KLHL2: variants seen among roughly 807,000 people sequenced by gnomAD.
The protein encoded by KLHL2 is kelch-like protein 2.
Under a neutral mutation model 75.8 loss-of-function variants are expected in KLHL2, and 15 were observed. The ratio of observed to expected loss-of-function variants is 0.20; its 90% CI spans 0.13 to 0.30. The LOEUF (loss-of-function observed/expected upper bound fraction) is 0.30. Ranked by LOEUF, KLHL2 falls within the 10% of genes least tolerant of loss-of-function variation. The pLI, the probability that KLHL2 is intolerant of heterozygous loss-of-function variation, is 1.00. For missense variants in KLHL2, 381 were observed against 741.0 expected (o/e 0.51, Z 5.64); for synonymous variants, 214 against 251.9 (o/e 0.85, Z 1.42).
chr4:165,217,045 C>A (rs745461058), intron 1 of KLHL2, among the ~76,000 whole-genome samples: 1 of 152,154 alleles, frequency 6.6e-6, no homozygotes, highest in Admixed American at 6.6e-5. Flanking sequence ...TATAAACACT[C>A]CTGACTCTTA....
In KLHL2 at chr4:165,310,194, G is replaced by T. The variant is rs370583869; in HGVS notation, c.1040-359G>T. Among the ~76,000 whole-genome samples the T allele has an allele frequency of 2.0e-4, 30 of 152,188 alleles. No individual in the cohort carries two copies. In the South Asian group the frequency reaches 6.0e-3, roughly 31 times the overall value. ...CAAAAAATTAGTTGGGTGTGGTGGCGGGCGCCTGTAGTCCCAGCTACTCAG... is the reference window on the plus strand; with the variant it reads ...CAAAAAATTAGTTGGGTGTGGTGGCTGGCGCCTGTAGTCCCAGCTACTCAG... On this transcript the variant is annotated intron_variant, in intron 9 of 14. Transcript: ENST00000226725.
rs142396857 is a variant in KLHL2 at position 165,236,270 on chromosome 4, C to T, written c.260-2508C>T. Reference sequence around the variant, plus strand: ...TAGCTTCAGAGTTCTGATATAACCTCAGAGTTATGTGATCAAAACATAAAC... The same window carrying T: ...TAGCTTCAGAGTTCTGATATAACCTTAGAGTTATGTGATCAAAACATAAAC... On this transcript the variant is annotated intron_variant, in intron 3 of 14. Transcript: ENST00000226725. 5.9e-3 allele frequency among the ~76,000 whole-genome samples: 892 copies of T among 152,264 alleles called. 10 individuals carry two copies. The highest frequency in any genetic ancestry group is 0.02 in the African/African-American group (826 of 41,536).
intron 5 of KLHL2, chr4:165,279,213 G>A (rs769755124): frequency 6.5e-7 from 1 of 1,539,734 alleles, no homozygotes; most frequent in South Asian, 1.1e-5. Flanking sequence ...TAAGTGCTAA[G>A]TGGAAGGCCT....
intron 5 of KLHL2, among the ~76,000 whole-genome samples, chr4:165,275,652 G>A: frequency 6.6e-6 from 1 of 152,078 alleles, no homozygotes; most frequent in Non-Finnish European, 1.5e-5. Flanking sequence ...GTGTTGCCCA[G>A]GCTGTGCTCG....
At chr4:165,225,170 GC>G in intron 2 of KLHL2, among the ~76,000 whole-genome samples, 1 of 152,220 alleles carries the variant, frequency 6.6e-6, no homozygotes, top group Admixed American at 6.5e-5. Context: ...TTTATATTAA[GC>G]CTATCTAACT....
chr4:165,219,071 C>T (rs1737777554), intron 1 of KLHL2, among the ~76,000 whole-genome samples: 1 of 152,204 alleles, frequency 6.6e-6, no homozygotes, highest in Non-Finnish European at 1.5e-5. Flanking sequence ...TGCCCCCCTC[C>T]TCATGGGACC....
chr4:165,293,523 G>A (rs1744675800), intron 5 of KLHL2, among the ~76,000 whole-genome samples: 1 of 149,980 alleles, frequency 6.7e-6, no homozygotes, highest in African/African-American at 2.5e-5. Context: ...TTCTGAGACG[G>A]AGTCTTGCTC....
At chr4:165,212,847 T>C (rs1737288099) in intron 1 of KLHL2, among the ~76,000 whole-genome samples, 1 of 152,216 alleles carries the variant, frequency 6.6e-6, no homozygotes, top group Non-Finnish European at 1.5e-5. Context: ...AAGTAGGCCT[T>C]GGCCAGTTCT....
chr4:165,294,924 C>G (rs1439157168), intron 6 of KLHL2, among the ~76,000 whole-genome samples: 1 of 152,160 alleles, frequency 6.6e-6, no homozygotes, highest in Non-Finnish European at 1.5e-5. Context: ...TTTGGTAGTT[C>G]TAGACTGAAC....
chr4:165,228,719 T>A (rs1738650496), intron 2 of KLHL2, 88 bp from the exon 3 acceptor site: 1 of 724,192 alleles, frequency 1.4e-6, no homozygotes, highest in African/African-American at 1.8e-5. Flanking sequence ...TTGATGAAAG[T>A]GGGCTTTACT....
intron 5 of KLHL2, among the ~76,000 whole-genome samples, chr4:165,285,891 G>A (rs931185289): frequency 2.0e-5 from 3 of 152,206 alleles, no homozygotes; most frequent in Non-Finnish European, 4.4e-5. Context: ...TCCAGCAGGT[G>A]TCTGGAGGAG....
chr4:165,321,583 A>G (rs542840892), intron 14 of KLHL2, among the ~76,000 whole-genome samples: 127 of 152,316 alleles, frequency 8.3e-4, no homozygotes, highest in Non-Finnish European at 1.4e-3. Context: ...AAAAAATTAT[A>G]CATGGGTTTT....
intron 9 of KLHL2, among the ~76,000 whole-genome samples, chr4:165,308,586 T>A (rs1745910045): frequency 6.6e-6 from 1 of 152,192 alleles, no homozygotes; most frequent in African/African-American, 2.4e-5. Flanking sequence ...AGGGGGCACT[T>A]CATAGATTGA....
chr4:165,278,710 T>C (rs751532769), intron 5 of KLHL2: 1 of 1,603,846 alleles, frequency 6.2e-7, no homozygotes, highest in East Asian at 2.2e-5. Context: ...AATATACCGG[T>C]TTGTCTCTGC....
chr4:165,267,789 T>A (rs1360127597), intron 5 of KLHL2, among the ~76,000 whole-genome samples: 2 of 152,234 alleles, frequency 1.3e-5, no homozygotes, highest in African/African-American at 4.8e-5. Flanking sequence ...TTGTTGTTTC[T>A]CTGCCAGCCT....
At chr4:165,281,907 T>C (rs1002457980) in intron 5 of KLHL2, among the ~76,000 whole-genome samples, 4 of 152,230 alleles carry the variant, frequency 2.6e-5, no homozygotes, top group African/African-American at 9.6e-5. Flanking sequence ...ATGGTATTTG[T>C]TTAGAGATAA....
intron 3 of KLHL2, among the ~76,000 whole-genome samples, chr4:165,235,079 A>T (rs2111075524): frequency 6.7e-6 from 1 of 150,008 alleles, no homozygotes; most frequent in Admixed American, 6.6e-5. Flanking sequence ...TGTTCAATAA[A>T]TGTTGACTGA....
At chr4:165,286,939 G>T (rs1397828046) in intron 5 of KLHL2, among the ~76,000 whole-genome samples, 1 of 152,044 alleles carries the variant, frequency 6.6e-6, no homozygotes, top group African/African-American at 2.4e-5. Flanking sequence ...TTTTATTTTT[G>T]TTTTTTAATT....
At position 165,238,884 on chromosome 4, in the gene KLHL2, A is replaced by C. The variant is rs754883464; in HGVS notation, c.366A>C (p.Thr122=). ...DYVYTAEIQV[T]EENVQVLLPA... ...TTTACACTGCAGAAATTCAGGTTAC[A>C]GAAGAAAATGTACAGGTAAGAGTAA... Residue 122 remains threonine (T), a synonymous_variant, in exon 4 of 15, where the codon ACA becomes ACC. Coordinates refer to ENST00000226725, the MANE Select transcript of KLHL2 (RefSeq NM_007246.4). The C allele has an allele frequency of 6.2e-7, 1 of 1,613,960 alleles. No homozygotes were observed. Among genetic ancestry groups the C allele is most frequent in the South Asian group, 1.1e-5 (1 of 91,030 alleles).
Sources: gnomAD v4.1 joint callset for allele counts (sites outside exome capture counted in the v4.1 genomes callset) on GRCh38, gnomAD v4.1.1 for gene constraint, MANE v1.5 for transcripts, NCBI Gene and HGNC (gene_info 2026-07-23, HGNC 2026-07-21) for gene names.